ABLIM1: variants seen among roughly 807,000 people sequenced by gnomAD.
The protein encoded by ABLIM1 is actin binding LIM protein 1, also known as actin-binding LIM protein 1.
Under a neutral mutation model 107.0 loss-of-function variants are expected in ABLIM1, and 40 were observed. The ratio of observed to expected loss-of-function variants is 0.37; its 90% CI spans 0.29 to 0.49. The LOEUF is 0.49. ABLIM1 is among the 20% of genes least tolerant of loss of function. ABLIM1 has a pLI of 0.97. For missense variants in ABLIM1, 857 were observed against 1,008.5 expected (o/e 0.85, Z 2.04); for synonymous variants, 357 against 357.3 (o/e 1.00, Z 0.01).
At chr10:114,544,176 C>CA (rs2067031956) in intron 6 of ABLIM1, among the ~76,000 whole-genome samples, 1 of 152,222 alleles carries the variant, frequency 6.6e-6, no homozygotes, top group South Asian at 2.1e-4. Flanking sequence ...AGCAAGATGA[C>CA]AAGCTGCAGC....
chr10:114,484,557 A>C (rs888023484), intron 8 of ABLIM1, among the ~76,000 whole-genome samples: 3 of 151,464 alleles, frequency 2.0e-5, no homozygotes, highest in Non-Finnish European at 4.4e-5. Context: ...TAATTTTTAT[A>C]TTTTTAGTGG....
the ABLIM1 span, among the ~76,000 whole-genome samples, chr10:114,786,854 C>T: frequency 6.6e-6 from 1 of 152,206 alleles, no homozygotes; most frequent in Non-Finnish European, 1.5e-5. Flanking sequence ...ACAACATCCA[C>T]CTCCCAGCAG....
intron 16 of ABLIM1, 58 bp downstream of exon 16, chr10:114,445,254 A>G (rs1302964251): frequency 1.3e-6 from 2 of 1,491,754 alleles, no homozygotes; most frequent in East Asian, 4.5e-5. Context: ...TCATTCAAAA[A>G]ATATAGATCT....
intron 22 of ABLIM1, among the ~76,000 whole-genome samples, chr10:114,437,612 C>T (rs1332354983): frequency 1.3e-5 from 2 of 151,418 alleles, no homozygotes; most frequent in African/African-American, 4.9e-5. Context: ...AGCCACCATG[C>T]CCACCTCCTG....
intron 6 of ABLIM1, among the ~76,000 whole-genome samples, chr10:114,512,826 TAGAA>T (rs1565723565): frequency 1.5e-5 from 1 of 67,900 alleles, no homozygotes; most frequent in East Asian, 3.4e-4. Context: ...CTCCATCAGA[TAGAA>T]GGAAGGAAGG....
intron 1 of ABLIM1, among the ~76,000 whole-genome samples, chr10:114,758,025 T>C (rs1419317588): frequency 1.3e-5 from 2 of 152,178 alleles, no homozygotes; most frequent in Non-Finnish European, 1.5e-5. Flanking sequence ...GATATCTTCA[T>C]GACCCCTCAC....
intron 17 of ABLIM1, 134 bp from the exon 18 acceptor site, chr10:114,441,920 C>A: frequency 1.4e-6 from 1 of 735,708 alleles, no homozygotes; most frequent in Non-Finnish European, 2.3e-6. Flanking sequence ...CTCAAATGTT[C>A]AAAAATATGC....
chr10:114,661,870 C>T (rs1156823451), upstream of ABLIM1, among the ~76,000 whole-genome samples: 2 of 152,172 alleles, frequency 1.3e-5, no homozygotes, highest in African/African-American at 4.8e-5. Context: ...CCTTTGCATG[C>T]TGTAGGAGCT....
intron 8 of ABLIM1, among the ~76,000 whole-genome samples, chr10:114,485,142 C>T (rs2057995876): frequency 6.6e-6 from 1 of 152,234 alleles, no homozygotes; most frequent in African/African-American, 2.4e-5. Context: ...AGACAACAGC[C>T]AGAGTCAGTG....
At chr10:114,459,916 A>G (rs1392771319) in intron 12 of ABLIM1, among the ~76,000 whole-genome samples, 1 of 152,248 alleles carries the variant, frequency 6.6e-6, no homozygotes, top group East Asian at 1.9e-4. Context: ...CTACATTTTT[A>G]ATAAAGCACC....
At chr10:114,736,647 T>A (rs2082185855) in intron 1 of ABLIM1, among the ~76,000 whole-genome samples, 1 of 152,184 alleles carries the variant, frequency 6.6e-6, no homozygotes, top group Admixed American at 6.5e-5. Flanking sequence ...TGCCCTGAAA[T>A]CTAGTGACCA....
chr10:114,495,699 T>C (rs971239385), intron 6 of ABLIM1, among the ~76,000 whole-genome samples: 3 of 152,194 alleles, frequency 2.0e-5, no homozygotes, highest in Non-Finnish European at 4.4e-5. Flanking sequence ...AATTACTCTT[T>C]TACGTACTCC....
chr10:114,613,052 G>T (rs183910139), intron 1 of ABLIM1, among the ~76,000 whole-genome samples: 45 of 152,310 alleles, frequency 3.0e-4, no homozygotes, highest in African/African-American at 1.0e-3. Flanking sequence ...AGCTGTCCTT[G>T]CCTTTTCTTT....
intron 11 of ABLIM1, among the ~76,000 whole-genome samples, chr10:114,466,394 A>T (rs577741492): frequency 4.6e-5 from 7 of 152,248 alleles, no homozygotes; most frequent in African/African-American, 1.7e-4. Flanking sequence ...AATTCCAATG[A>T]CCATGCTGAC....
At chr10:114,727,409 T>C (rs2081982956) in intron 1 of ABLIM1, among the ~76,000 whole-genome samples, 1 of 152,216 alleles carries the variant, frequency 6.6e-6, no homozygotes, top group South Asian at 2.1e-4. Context: ...AATTGAGAAT[T>C]TTCCCAATGT....
intron 1 of ABLIM1, among the ~76,000 whole-genome samples, chr10:114,612,325 C>T (rs1273693769): frequency 6.6e-6 from 1 of 152,176 alleles, no homozygotes; most frequent in Non-Finnish European, 1.5e-5. Flanking sequence ...TGCTCTTCTG[C>T]CTCCACCATG....
chr10:114,481,379 C>T (rs936562303), intron 8 of ABLIM1, among the ~76,000 whole-genome samples: 53 of 150,846 alleles, frequency 3.5e-4, no homozygotes, highest in African/African-American at 1.2e-3. Flanking sequence ...CTACAGGCAT[C>T]TGGCAACTAG....
chr10:114,790,409 T>A, the ABLIM1 span, among the ~76,000 whole-genome samples: 1 of 152,016 alleles, frequency 6.6e-6, no homozygotes, highest in Non-Finnish European at 1.5e-5. Flanking sequence ...AAATTGTATT[T>A]CCTGTTTACT....
chr10:114,615,562 T>C, intron 1 of ABLIM1: 1 of 470,768 alleles, frequency 2.1e-6, no homozygotes, highest in Non-Finnish European at 4.3e-6. Flanking sequence ...ACTGCCATTG[T>C]ATTACCAGGG....
Sources: gnomAD v4.1 joint callset for allele counts (sites outside exome capture counted in the v4.1 genomes callset) on GRCh38, gnomAD v4.1.1 for gene constraint, MANE v1.5 for transcripts, NCBI Gene and HGNC (gene_info 2026-07-23, HGNC 2026-07-21) for gene names.